IRAK1BP1: variants seen among roughly 807,000 people sequenced by gnomAD.
IRAK1BP1 encodes interleukin 1 receptor associated kinase 1 binding protein 1, also known as interleukin-1 receptor-associated kinase 1-binding protein 1.
In IRAK1BP1, 24 loss-of-function variants were observed where a neutral mutation model predicts 28.0. That is an observed-to-expected ratio of 0.86 (90% CI 0.62 to 1.20). IRAK1BP1 has a LOEUF of 1.20. Ranked by LOEUF, IRAK1BP1 falls within the 50% of genes most tolerant of loss-of-function variation. The pLI is 0.00. For synonymous variants in IRAK1BP1, 131 were observed against 116.3 expected, an observed-to-expected ratio of 1.13 and a Z score of -0.81; for missense variants, 336 against 316.7, an observed-to-expected ratio of 1.06 and a Z score of -0.46.
At chr6:78,910,181 A>C (rs1382492386) in intron 4 of IRAK1BP1, among the ~76,000 whole-genome samples, 1 of 152,152 alleles carries the variant, frequency 6.6e-6, no homozygotes, top group Non-Finnish European at 1.5e-5. Context: ...GGATGAGGGA[A>C]TGCCTGCTCG....
the IRAK1BP1 span, among the ~76,000 whole-genome samples, chr6:78,951,799 T>C: frequency 6.6e-6 from 1 of 152,232 alleles, no homozygotes; most frequent in Non-Finnish European, 1.5e-5. Context: ...TTCATTTGCC[T>C]ATTGTCTCAG....
At chr6:78,977,174 C>G in the IRAK1BP1 span, among the ~76,000 whole-genome samples, 2 of 149,990 alleles carry the variant, frequency 1.3e-5, no homozygotes, top group Non-Finnish European at 3.0e-5. Flanking sequence ...GGCACATATA[C>G]ACCATGGAAT....
At chr6:78,930,332 A>G (rs956532023) in intron 4 of IRAK1BP1, among the ~76,000 whole-genome samples, 1 of 152,172 alleles carries the variant, frequency 6.6e-6, no homozygotes, top group African/African-American at 2.4e-5. Flanking sequence ...GCAACACTGA[A>G]ATACTGCTAT....
intron 4 of IRAK1BP1, among the ~76,000 whole-genome samples, chr6:78,944,055 C>G (rs1387953640): frequency 1.4e-5 from 2 of 147,840 alleles, no homozygotes; most frequent in Non-Finnish European, 3.0e-5. Context: ...GAGAAGACTT[C>G]CTAAAGAAGA....
At chr6:78,955,681 C>A in the IRAK1BP1 span, 2 of 978,046 alleles carry the variant, frequency 2.0e-6, no homozygotes, top group Non-Finnish European at 3.1e-6. Context: ...CAAGTCTGAT[C>A]CCTACATAAC....
intron 4 of IRAK1BP1, among the ~76,000 whole-genome samples, chr6:78,942,207 G>A (rs1219445607): frequency 1.3e-5 from 2 of 152,226 alleles, no homozygotes; most frequent in Admixed American, 6.5e-5. Context: ...GGTTGGTCGG[G>A]TGCAGTGGCT....
At chr6:78,892,827 C>T (rs547263928) in intron 2 of IRAK1BP1, among the ~76,000 whole-genome samples, 22 of 152,130 alleles carry the variant, frequency 1.4e-4, no homozygotes, top group South Asian at 4.1e-4. Context: ...TTACACAAGA[C>T]GTGCTTAGTG....
At chr6:78,945,631 A>G in exon 5 of IRAK1BP1, 1 of 657,020 alleles carries the variant, frequency 1.5e-6, no homozygotes, top group Non-Finnish European at 2.6e-6. Flanking sequence ...TAGGAAAGCT[A>G]CTTTCTAATA....
the IRAK1BP1 span, among the ~76,000 whole-genome samples, chr6:78,964,129 A>G: frequency 6.6e-6 from 1 of 152,232 alleles, no homozygotes; most frequent in Admixed American, 6.5e-5. Flanking sequence ...TTAATAAATG[A>G]GAGAAACAAA....
At chr6:78,966,182 A>G in the IRAK1BP1 span, 1 of 622,870 alleles carries the variant, frequency 1.6e-6, no homozygotes, top group Non-Finnish European at 2.9e-6. Flanking sequence ...AGTGAACCAC[A>G]AACTCCAAAA....
At chr6:78,889,827 G>A (rs1438670028) in intron 2 of IRAK1BP1, among the ~76,000 whole-genome samples, 1 of 152,036 alleles carries the variant, frequency 6.6e-6, no homozygotes, top group Non-Finnish European at 1.5e-5. Flanking sequence ...TGGTGGGAGG[G>A]TAAATTAGTT....
intron 2 of IRAK1BP1, among the ~76,000 whole-genome samples, chr6:78,891,461 GA>G (rs1471353762): frequency 7.1e-6 from 1 of 141,612 alleles, no homozygotes; most frequent in East Asian, 2.0e-4. Context: ...GTGTTTAGAG[GA>G]ATTTTTTTTT....
intron 1 of IRAK1BP1, among the ~76,000 whole-genome samples, chr6:78,877,362 A>T (rs1771037577): frequency 6.6e-6 from 1 of 152,168 alleles, no homozygotes; most frequent in Admixed American, 6.5e-5. Context: ...TCAACAGGCA[A>T]TTTTTATTTC....
intron 4 of IRAK1BP1, among the ~76,000 whole-genome samples, chr6:78,915,970 CACAA>C (rs1018130034): frequency 2.6e-5 from 4 of 152,016 alleles, no homozygotes; most frequent in Non-Finnish European, 5.9e-5. Flanking sequence ...GGACAAAATT[CACAA>C]ACAAAGCAAG....
chr6:78,914,191 A>G (rs1297852331), intron 4 of IRAK1BP1, among the ~76,000 whole-genome samples: 3 of 152,152 alleles, frequency 2.0e-5, no homozygotes, highest in Admixed American at 1.3e-4. Context: ...CATTGAAAAA[A>G]AAATCTTAAA....
intron 2 of IRAK1BP1, among the ~76,000 whole-genome samples, chr6:78,890,777 A>G (rs1171757731): frequency 6.6e-6 from 1 of 152,198 alleles, no homozygotes; most frequent in East Asian, 1.9e-4. Context: ...AGAAATCCTT[A>G]CCTGGCCAAA....
chr6:78,925,265 A>G (rs1017751450), intron 4 of IRAK1BP1, among the ~76,000 whole-genome samples: 23 of 152,154 alleles, frequency 1.5e-4, no homozygotes, highest in African/African-American at 5.3e-4. Context: ...GCACATGTAT[A>G]CATATGTAAC....
At chr6:78,946,591 C>A (rs1388540116), downstream of IRAK1BP1, 4 of 1,418,654 alleles carry the variant, frequency 2.8e-6, no homozygotes, top group Non-Finnish European at 2.7e-6. Context: ...TAGGAACTTG[C>A]ATGTCAAATT....
intron 4 of IRAK1BP1, among the ~76,000 whole-genome samples, chr6:78,923,681 C>A (rs1481780280): frequency 6.6e-6 from 1 of 152,134 alleles, no homozygotes; most frequent in Non-Finnish European, 1.5e-5. Context: ...AAGCACTCCT[C>A]AGCAAATGTA....
Sources: gnomAD v4.1 joint callset for allele counts (sites outside exome capture counted in the v4.1 genomes callset) on GRCh38, gnomAD v4.1.1 for gene constraint, MANE v1.5 for transcripts, NCBI Gene and HGNC (gene_info 2026-07-23, HGNC 2026-07-21) for gene names.